NTM: variants seen among roughly 807,000 people sequenced by gnomAD.
NTM encodes IgLON family member 2.
Under a neutral mutation model 42.1 loss-of-function variants are expected in NTM, and 13 were observed. The ratio of observed to expected loss-of-function variants is 0.31; its 90% CI spans 0.20 to 0.49. The LOEUF (loss-of-function observed/expected upper bound fraction) is 0.49. NTM is among the 20% of genes least tolerant of loss of function. The probability of loss-of-function intolerance (pLI) is 0.99; values close to 1 mark genes in which losing one functional copy is unlikely to be tolerated. For synonymous variants in NTM, 187 were observed against 179.2 expected (o/e 1.04, Z -0.35); for missense variants, 373 against 452.8 (o/e 0.82, Z 1.60).
intron 1 of NTM, among the ~76,000 whole-genome samples, chr11:131,668,813 C>T (rs789518): frequency 0.71 from 108,670 of 152,140 alleles, 39,186 homozygotes; most frequent in Admixed American, 0.77. Context: ...ATGATGCAAA[C>T]GTTAATTATA....
At chr11:132,121,485 A>G (rs1346884412) in intron 2 of NTM, among the ~76,000 whole-genome samples, 5 of 152,164 alleles carry the variant, frequency 3.3e-5, no homozygotes, top group African/African-American at 9.7e-5. Context: ...AGCTCCATTT[A>G]TTTAAGTAAA....
chr11:131,554,968 C>A (rs998942639), intron 1 of NTM, among the ~76,000 whole-genome samples: 1 of 152,188 alleles, frequency 6.6e-6, no homozygotes, highest in South Asian at 2.1e-4. Flanking sequence ...AAACAAAAGA[C>A]CTTAGGTCTT....
chr11:131,680,477 G>A (rs2072330328), intron 1 of NTM, among the ~76,000 whole-genome samples: 1 of 146,070 alleles, frequency 6.8e-6, no homozygotes, highest in Non-Finnish European at 1.5e-5. Flanking sequence ...GCCTGTGTGT[G>A]TGCACGTCTG....
At chr11:131,664,753 G>GTTTTTTTTTGTTTTTTTTTTTTTTTT (rs2068706420) in intron 1 of NTM, among the ~76,000 whole-genome samples, 1 of 112,914 alleles carries the variant, frequency 8.9e-6, no homozygotes, top group African/African-American at 3.4e-5. Flanking sequence ...CTCTTCCATT[G>GTTTTTTTTTGTTTTTTTTTTTTTTTT]TTTTTTTTTT....
intron 2 of NTM, among the ~76,000 whole-genome samples, chr11:132,001,767 CACAG>C (rs2069304768): frequency 7.1e-6 from 1 of 140,184 alleles, no homozygotes; most frequent in Non-Finnish European, 1.5e-5. Flanking sequence ...TGCATATACA[CACAG>C]ACAGGCACAC....
At chr11:131,416,045 A>G (rs1301031319) in intron 1 of NTM, among the ~76,000 whole-genome samples, 1 of 152,258 alleles carries the variant, frequency 6.6e-6, no homozygotes, top group African/African-American at 2.4e-5. Context: ...TTTTAGTACA[A>G]GTATGCTCCA....
chr11:131,557,668 G>C (rs1276537015), intron 1 of NTM, among the ~76,000 whole-genome samples: 6 of 151,678 alleles, frequency 4.0e-5, no homozygotes, highest in African/African-American at 1.5e-4. Flanking sequence ...GTGTTTGGCT[G>C]CAGGAGGCAC....
At chr11:132,069,519 C>A (rs1177609509) in intron 2 of NTM, among the ~76,000 whole-genome samples, 1 of 131,576 alleles carries the variant, frequency 7.6e-6, no homozygotes. Context: ...TCACACTGAC[C>A]GTCACAGGTT....
chr11:131,794,687 T>C (rs2091349230), intron 1 of NTM: 1 of 985,244 alleles, frequency 1.0e-6, no homozygotes, highest in Non-Finnish European at 1.2e-6. Context: ...TTAGAAGTCA[T>C]TTTTAAGACA....
chr11:131,733,498 CCTTCCTTCCTTCCTTCCTTCCTTT>C (rs1447583378), intron 1 of NTM, among the ~76,000 whole-genome samples: 1 of 148,476 alleles, frequency 6.7e-6, no homozygotes, highest in African/African-American at 2.5e-5. Context: ...TTCCTTCCTT[CCTTCCTTCCTTCCTTCCTTCCTTT>C]CTTTCTTTCT....
In NTM at chr11:132,335,375, T is replaced by A. The variant is rs2095864759; in HGVS notation, c.*229T>A. 4 of 513,712 alleles carry A rather than the reference T, an allele frequency of 7.8e-6. No homozygotes were observed. In the Admixed American group the frequency reaches 1.1e-4, roughly 14 times the overall value. The allele number at this position is 513,712 out of a possible 1,614,324, so 31.8% of individuals were successfully genotyped here. Reference sequence around the variant, plus strand: ...TTGCAGATATTTAGGTACAATGGAGTTTTCTTTTCCCAAACGGGAAGAACA... The same window carrying A: ...TTGCAGATATTTAGGTACAATGGAGATTTCTTTTCCCAAACGGGAAGAACA... On this transcript the variant is annotated 3_prime_UTR_variant, in exon 9 of 9. Coordinates refer to ENST00000683400, the MANE Select transcript of NTM (RefSeq NM_001352005.2).
At chr11:132,289,232 T>C (rs895618745) in intron 4 of NTM, among the ~76,000 whole-genome samples, 10 of 152,206 alleles carry the variant, frequency 6.6e-5, no homozygotes, top group Non-Finnish European at 2.9e-5. Context: ...CTTTGTAGGA[T>C]GAGTAATTTT....
At chr11:132,102,971 C>A (rs1430241396) in intron 2 of NTM, among the ~76,000 whole-genome samples, 1 of 152,200 alleles carries the variant, frequency 6.6e-6, no homozygotes, top group Non-Finnish European at 1.5e-5. Flanking sequence ...ACAACAGAGC[C>A]AAATTGGACT....
chr11:132,123,577 G>C (rs1184202763), intron 2 of NTM, among the ~76,000 whole-genome samples: 1 of 152,164 alleles, frequency 6.6e-6, no homozygotes, highest in Non-Finnish European at 1.5e-5. Context: ...TGTTTTCGGC[G>C]AGAGCTAGGG....
intron 2 of NTM, among the ~76,000 whole-genome samples, chr11:131,935,104 T>A (rs116452067): frequency 6.6e-6 from 1 of 152,318 alleles, no homozygotes; most frequent in African/African-American, 2.4e-5. Context: ...GGTTTGCTGG[T>A]GAAGCAGACT....
chr11:131,784,077 C>T (rs1455712697), intron 1 of NTM, among the ~76,000 whole-genome samples: 1 of 152,032 alleles, frequency 6.6e-6, no homozygotes, highest in African/African-American at 2.4e-5. Context: ...CAAACTGAAA[C>T]CACAATGAAC....
intron 1 of NTM, among the ~76,000 whole-genome samples, chr11:131,742,776 A>G (rs1359061785): frequency 6.6e-6 from 1 of 152,238 alleles, no homozygotes; most frequent in Non-Finnish European, 1.5e-5. Flanking sequence ...AGAAAGCATA[A>G]TGCATTTAAG....
chr11:131,604,312 G>A (rs1333912848), intron 1 of NTM, among the ~76,000 whole-genome samples: 1 of 152,078 alleles, frequency 6.6e-6, no homozygotes, highest in Non-Finnish European at 1.5e-5. Context: ...TTGGCCATTT[G>A]TATGTATTTG....
intron 4 of NTM, chr11:132,306,522 G>C (rs1207613003): frequency 6.6e-6 from 1 of 152,204 alleles, no homozygotes; most frequent in African/African-American, 2.4e-5. Context: ...GTGTGTGAGT[G>C]TGTACATATA....
Sources: allele counts gnomAD v4.1 joint callset (sites outside exome capture counted in the v4.1 genomes callset), GRCh38; gene constraint gnomAD v4.1.1; transcripts MANE v1.5; gene names NCBI Gene and HGNC (gene_info 2026-07-23, HGNC 2026-07-21).